The following DCDC2 variants were observed in gnomAD, a reference collection of about 807,000 sequenced individuals.
DCDC2 encodes the protein doublecortin domain containing 2.
A neutral mutation model predicts 50.2 loss-of-function variants in DCDC2; 40 were observed. That is an observed-to-expected ratio of 0.80 (90% CI 0.62 to 1.04). DCDC2 has a LOEUF of 1.04. Ranked by LOEUF, DCDC2 falls within the 50% of genes least tolerant of loss-of-function variation. DCDC2 has a pLI of 0.00. For synonymous variants in DCDC2, 234 were observed against 210.6 expected, an observed-to-expected ratio of 1.11 and a Z score of -0.96; for missense variants, 570 against 581.9, an observed-to-expected ratio of 0.98 and a Z score of 0.21.
intron 2 of DCDC2, among the ~76,000 whole-genome samples, chr6:24,329,894 G>T (rs531112882): frequency 6.6e-6 from 1 of 152,184 alleles, no homozygotes; most frequent in South Asian, 2.1e-4. Flanking sequence ...TGTAATACTT[G>T]CATGGTATGA....
intron 7 of DCDC2, among the ~76,000 whole-genome samples, chr6:24,263,746 G>A (rs1048746001): frequency 7.2e-5 from 11 of 152,160 alleles, no homozygotes; most frequent in Middle Eastern, 6.8e-3. Flanking sequence ...GACAATAGCC[G>A]CTAAAGGGCA....
intron 8 of DCDC2, among the ~76,000 whole-genome samples, chr6:24,193,099 C>T (rs1761347408): frequency 6.6e-6 from 1 of 151,910 alleles, no homozygotes; most frequent in Non-Finnish European, 1.5e-5. Flanking sequence ...CCTCACAATT[C>T]TGAGAGAAAT....
intron 2 of DCDC2, among the ~76,000 whole-genome samples, chr6:24,353,069 T>C (rs1332618264): frequency 6.6e-6 from 1 of 152,222 alleles, no homozygotes; most frequent in Non-Finnish European, 1.5e-5. Flanking sequence ...CGAACTATGC[T>C]TAACTCGTAC....
intron 7 of DCDC2, among the ~76,000 whole-genome samples, chr6:24,229,712 T>C (rs73726623): frequency 0.068 from 10,297 of 152,276 alleles, 611 homozygotes; most frequent in East Asian, 0.36. Flanking sequence ...TCAACACTTA[T>C]GATCCTGTCT....
intron 7 of DCDC2, among the ~76,000 whole-genome samples, chr6:24,213,253 T>G (rs1277042876): frequency 6.6e-6 from 1 of 152,182 alleles, no homozygotes; most frequent in South Asian, 2.1e-4. Context: ...TTCTAAATAC[T>G]TTATAAAAAT....
intron 2 of DCDC2, among the ~76,000 whole-genome samples, chr6:24,337,158 C>G (rs1433313275): frequency 1.3e-5 from 2 of 152,128 alleles, no homozygotes; most frequent in African/African-American, 4.8e-5. Flanking sequence ...GGCCCTTTGA[C>G]AGTAGCACAG....
chr6:24,337,181 A>T (rs1020077286), intron 2 of DCDC2, among the ~76,000 whole-genome samples: 1 of 152,212 alleles, frequency 6.6e-6, no homozygotes, highest in Non-Finnish European at 1.5e-5. Flanking sequence ...AAAACTTTTT[A>T]AAAATGCATT....
intron 4 of DCDC2, among the ~76,000 whole-genome samples, chr6:24,298,196 G>A (rs1024818936): frequency 6.6e-6 from 1 of 152,220 alleles, no homozygotes; most frequent in Non-Finnish European, 1.5e-5. Flanking sequence ...ATGCTCCTAT[G>A]AGAATCTAAT....
At chr6:24,265,615 A>C (rs1763101647) in intron 7 of DCDC2, among the ~76,000 whole-genome samples, 1 of 152,190 alleles carries the variant, frequency 6.6e-6, no homozygotes, top group African/African-American at 2.4e-5. Flanking sequence ...AGAACTCTGG[A>C]AACTGTACAA....
intron 9 of DCDC2, among the ~76,000 whole-genome samples, chr6:24,176,221 G>A (rs527306114): frequency 9.2e-5 from 14 of 152,172 alleles, no homozygotes; most frequent in African/African-American, 1.4e-4. Context: ...ACTTGAGCCC[G>A]GGAGGTCAAA....
intron 7 of DCDC2, among the ~76,000 whole-genome samples, chr6:24,219,822 GGTTACCAA>G (rs1439926487): frequency 1.3e-5 from 2 of 152,168 alleles, no homozygotes; most frequent in African/African-American, 2.4e-5. Flanking sequence ...GTGTGTTTGT[GGTTACCAA>G]GCAAGCGTGT....
At chr6:24,245,650 G>A (rs185060658) in intron 7 of DCDC2, among the ~76,000 whole-genome samples, 1 of 152,258 alleles carries the variant, frequency 6.6e-6, no homozygotes, top group Admixed American at 6.5e-5. Context: ...AAACAAACAA[G>A]ACTTTCAGTT....
At chr6:24,224,093 A>G (rs114801279) in intron 7 of DCDC2, among the ~76,000 whole-genome samples, 1 of 152,142 alleles carries the variant, frequency 6.6e-6, no homozygotes, top group Non-Finnish European at 1.5e-5. Context: ...AAGATTCAGG[A>G]AAGTTTTCTC....
chr6:24,288,948 A>G, intron 5 of DCDC2, 42 bp from the exon 6 acceptor site: 1 of 1,453,708 alleles, frequency 6.9e-7, no homozygotes, highest in South Asian at 1.2e-5. Context: ...AATGTTGTTT[A>G]CAAATAATGT....
At chr6:24,376,843 G>A in the DCDC2 span, among the ~76,000 whole-genome samples, 3 of 140,706 alleles carry the variant, frequency 2.1e-5, no homozygotes, top group East Asian at 6.5e-4. Context: ...AAGAAACTCC[G>A]CATTAGAGAG....
At position 24,173,606 on chromosome 6, in the gene DCDC2, T is replaced by C. The variant is rs1760834482; in HGVS notation, c.*1124A>G. Reference sequence around the variant, plus strand: ...TTTAGTCAGTCCATGAAGTTGTGATTCAGGAATTGGTTTCATTATAATAAC... The same window carrying C: ...TTTAGTCAGTCCATGAAGTTGTGATCCAGGAATTGGTTTCATTATAATAAC... On this transcript the variant is annotated 3_prime_UTR_variant, in exon 10 of 10. Coordinates refer to ENST00000378454, the MANE Select transcript of DCDC2 (RefSeq NM_016356.5). 6.6e-6 allele frequency: 1 copy of C among 152,330 alleles called. No individual in the cohort carries two copies. The highest frequency in any genetic ancestry group is 2.1e-4 in the South Asian group (1 of 4,828). 9.4% of individuals were successfully genotyped at this position (152,330 alleles called of 1,614,324 possible). A position where few individuals can be genotyped will look rare whatever the true frequency, so the allele number is the denominator to read the frequency against.
intron 6 of DCDC2, among the ~76,000 whole-genome samples, chr6:24,279,597 G>A (rs1763427447): frequency 6.6e-6 from 1 of 151,974 alleles, no homozygotes. Context: ...AAAGAAAAAA[G>A]AGAAAAAGAA....
intron 9 of DCDC2, 105 bp downstream of exon 9, chr6:24,178,225 G>T: frequency 8.8e-7 from 1 of 1,139,452 alleles, no homozygotes; most frequent in Non-Finnish European, 1.3e-6. Context: ...AACCACAAGT[G>T]GTTTCAATAC....
chr6:24,242,503 C>A (rs180886590), intron 7 of DCDC2, among the ~76,000 whole-genome samples: 1,724 of 152,270 alleles, frequency 0.011, 31 homozygotes, highest in African/African-American at 0.037. Context: ...GTCTTCCCCC[C>A]ACCTCTCCGT....
Sources: allele counts gnomAD v4.1 joint callset (sites outside exome capture counted in the v4.1 genomes callset), GRCh38; gene constraint gnomAD v4.1.1; transcripts MANE v1.5; gene names NCBI Gene and HGNC (gene_info 2026-07-23, HGNC 2026-07-21).